GGT5: variants seen among roughly 807,000 people sequenced by gnomAD.
GGT5 encodes gamma-glutamyltransferase 5, also known as glutathione hydrolase 5 proenzyme.
In GGT5, 50 loss-of-function variants were observed where a neutral mutation model predicts 58.1. That is an observed-to-expected ratio of 0.86 (90% CI 0.69 to 1.09). The LOEUF (loss-of-function observed/expected upper bound fraction) is 1.09. GGT5 is among the 50% of genes least tolerant of loss of function. The pLI is 0.00. For missense variants in GGT5, 800 were observed against 789.4 expected, an observed-to-expected ratio of 1.01 and a Z score of -0.16; for synonymous variants, 370 against 346.1, an observed-to-expected ratio of 1.07 and a Z score of -0.77.
At chr22:24,234,119 C>T in intron 1 of GGT5, 115 bp from the exon 2 acceptor site, 1 of 993,998 alleles carries the variant, frequency 1.0e-6, no homozygotes, top group Non-Finnish European at 1.5e-6. Context: ...TCGGCTGCCA[C>T]CAAACCGCAG....
chr22:24,222,766 A>C (rs1169660341), intron 11 of GGT5, among the ~76,000 whole-genome samples: 1 of 152,220 alleles, frequency 6.6e-6, no homozygotes, highest in Admixed American at 6.5e-5. Flanking sequence ...TCACAAAGAC[A>C]AAGGTCCTTC....
At chr22:24,234,195 T>C (rs958280156) in intron 1 of GGT5, among the ~76,000 whole-genome samples, 191 bp from the exon 2 acceptor site, 3 of 152,200 alleles carry the variant, frequency 2.0e-5, no homozygotes, top group Admixed American at 2.0e-4. Context: ...CACAACACAC[T>C]ACGGTTGCAA....
intron 1 of GGT5, 100 bp from the exon 2 acceptor site, chr22:24,234,104 G>T (rs2048031177): frequency 8.3e-7 from 1 of 1,209,952 alleles, no homozygotes; most frequent in Non-Finnish European, 1.2e-6. Flanking sequence ...GACGGAGGCG[G>T]CACGTCGGCT....
At position 24,231,498 on chromosome 22, in the gene GGT5, A is replaced by G. The variant is rs753630065; in HGVS notation, c.787T>C (p.Phe263Leu). The G allele has an allele frequency of 2.5e-6, 4 of 1,587,808 alleles. No homozygotes were observed. The Admixed American group carries it at 5.3e-5, about 21-fold the overall frequency. The change falls in exon 6 of 12, where the codon TTC becomes CTC. Residue 263 changes from phenylalanine (F) to leucine (L), a missense_variant. By Grantham distance (22) the Phe-to-Leu change is conservative (BLOSUM62 0). Transcript: ENST00000327365. ...SQLTLQDLAKFQPEVVDALEV... is the reference protein window; with the variant it reads ...SQLTLQDLAKLQPEVVDALEV... The stretch of plus-strand genomic sequence containing the variant: ...AGGGCATCCACCACCTCGGGCTGGA[A>G]CTTGGCCAGGTCCTGCAGCGTCAGC...
At chr22:24,229,118 A>T (rs144099982) in intron 6 of GGT5, among the ~76,000 whole-genome samples, 189 of 149,794 alleles carry the variant, frequency 1.3e-3, no homozygotes, top group African/African-American at 4.5e-3. Flanking sequence ...GAATGATATA[A>T]TGGGGCCCAG....
chr22:24,231,360 CAGGG>C lies in GGT5; in HGVS notation c.901+20_901+23del. 6.6e-7 allele frequency: 1 copy of C among 1,519,006 alleles called. No individual in the cohort carries two copies. Among genetic ancestry groups the C allele is most frequent in the East Asian group, 2.5e-5 (1 of 40,616 alleles). 94.1% of individuals were successfully genotyped at this position (1,519,006 alleles called of 1,614,324 possible). A position where few individuals can be genotyped will look rare whatever the true frequency, so the allele number is the denominator to read the frequency against. On this transcript the variant is annotated intron_variant, in intron 6 of 11. Coordinates refer to ENST00000327365, the MANE Select transcript of GGT5 (RefSeq NM_004121.5). Reference sequence around the variant, plus strand: ...GGGGTGCGGGGGAGGGGGTGGGCGCCAGGGCTCTGGGCAGGGGCTTTACCTCTTA... The same window carrying C: ...GGGGTGCGGGGGAGGGGGTGGGCGCCCTCTGGGCAGGGGCTTTACCTCTTA...
Position 24,225,061 on chromosome 22 carries a change from T to C in GGT5, c.1549A>G (p.Ile517Val). The part of the protein sequence containing the change: ...LWLGFDLRAA[I>V]AAPILHVNSK... ...TTGACATGCAGGATGGGGGCTGCAA[T>C]GGCCGCTCTCAGGTCAAAGCCAAGC... Residue 517 changes from isoleucine (I) to valine (V), a missense_variant, in exon 11 of 12, where the codon ATT becomes GTT. Ile to Val is a conservative substitution (Grantham distance 29, BLOSUM62 3). Coordinates refer to ENST00000327365, the MANE Select transcript of GGT5 (RefSeq NM_004121.5). 1 of 1,601,338 alleles carries C rather than the reference T, an allele frequency of 6.2e-7. No homozygotes were observed. The highest frequency in any genetic ancestry group is 8.5e-7 in the Non-Finnish European group (1 of 1,174,050).
chr22:24,226,743 A>G lies in GGT5; in HGVS notation c.926T>C (p.Met309Thr). The G allele has an allele frequency of 1.2e-6, 2 of 1,614,056 alleles. No homozygotes were observed. The highest frequency in any genetic ancestry group is 2.2e-5 in the South Asian group (2 of 91,084). Residue 309 changes from methionine (M) to threonine (T), a missense_variant, in exon 7 of 12, where the codon ATG (methionine) becomes ACG (threonine). Transcript: ENST00000327365. ...GTTCACCCTCCCTTCAGGCCTGGCC[A>G]TAGACTCTGTTGAGAAGTTGAACCC... ...LRGFNFSTES[M>T]ARPEGRVNVY...
chr22:24,236,938 C>A (rs938237040), intron 1 of GGT5, among the ~76,000 whole-genome samples: 73 of 151,654 alleles, frequency 4.8e-4, no homozygotes, highest in African/African-American at 1.7e-3. Flanking sequence ...CAGCATTCCC[C>A]TCAAGGTGAC....
chr22:24,230,121 A>G (rs900636888), intron 6 of GGT5, among the ~76,000 whole-genome samples: 2 of 151,754 alleles, frequency 1.3e-5, no homozygotes, highest in African/African-American at 4.8e-5. Context: ...TAATCCCAGC[A>G]CTTTGGGATG....
At position 24,226,148 on chromosome 22, in the gene GGT5, G is replaced by T. The variant is rs1390468059; in HGVS notation, c.1157C>A (p.Thr386Lys). 2 of 1,611,286 alleles carry T rather than the reference G, an allele frequency of 1.2e-6. No homozygotes were observed. The highest frequency in any genetic ancestry group is 2.2e-5 in the East Asian group (1 of 44,874). ...YSLAEAWGHG[T>K]GTSHVSVLGE... The stretch of plus-strand genomic sequence containing the variant: ...CAGCACAGACACATGGGACGTGCCT[G>T]TCCCGTGGCCCCAGGCCTCGGCCAA... Residue 386 changes from threonine (T) to lysine (K), a missense_variant, in exon 8 of 12, where the codon ACA (threonine) becomes AAA (lysine). Coordinates refer to ENST00000327365, the MANE Select transcript of GGT5 (RefSeq NM_004121.5).
chr22:24,226,142 G>C lies in GGT5; in HGVS notation c.1163C>G (p.Thr388Arg), dbSNP rs755653164. 1 of 1,610,978 alleles carries C rather than the reference G, an allele frequency of 6.2e-7. No individual in the cohort carries two copies. Among genetic ancestry groups the C allele is most frequent in the African/African-American group, 1.3e-5 (1 of 74,968 alleles). The stretch of plus-strand genomic sequence containing the variant: ...CTCCCCCAGCACAGACACATGGGAC[G>C]TGCCTGTCCCGTGGCCCCAGGCCTC... ...LAEAWGHGTGTSHVSVLGEDG... is the reference protein window; with the variant it reads ...LAEAWGHGTGRSHVSVLGEDG... The change falls in exon 8 of 12, where the codon ACG becomes AGG. Residue 388 changes from threonine to arginine, a missense_variant. Thr to Arg is a moderately conservative substitution (Grantham distance 71). Transcript: ENST00000327365.
Position 24,225,644 on chromosome 22 carries a change from G to A in GGT5, c.1238C>T (p.Ala413Val), listed in dbSNP as rs769456009. 11 of 1,605,710 alleles carry A rather than the reference G, an allele frequency of 6.9e-6. No individual in the cohort carries two copies. Among genetic ancestry groups the A allele is most frequent in the Middle Eastern group, 1.6e-4 (1 of 6,078 alleles). ...GCCTGTCCGTGGTGAATACACCATC[G>A]CTCCAAAGCTGCAGCCGTGGAGGCA... ...ATSTINTPFG[A>V]MVYSPRTGII... Residue 413 changes from alanine (A) to valine (V), a missense_variant, in exon 9 of 12, where the codon GCG (alanine) becomes GTG (valine). By Grantham distance (64) the Ala-to-Val change is moderately conservative. Transcript: ENST00000327365.
In GGT5 at chr22:24,244,878, G is replaced by C; in HGVS notation, c.-153C>G. 1.5e-6 allele frequency: 2 copies of C among 1,354,340 alleles called. No individual in the cohort carries two copies. Among genetic ancestry groups the C allele is most frequent in the South Asian group, 1.5e-5 (1 of 65,918 alleles). 83.9% of individuals were successfully genotyped at this position (1,354,340 alleles called of 1,614,324 possible). A position where few individuals can be genotyped will look rare whatever the true frequency, so the allele number is the denominator to read the frequency against. Reference sequence around the variant, plus strand: ...CTGAAGACAGACACGAAGATGGATCGACAGATAGGCCAGATAGCTAGACAA... The same window carrying C: ...CTGAAGACAGACACGAAGATGGATCCACAGATAGGCCAGATAGCTAGACAA... On this transcript the variant is annotated 5_prime_UTR_variant, in exon 1 of 12. Transcript: ENST00000327365.
At chr22:24,223,534 C>G (rs2047661073) in intron 11 of GGT5, among the ~76,000 whole-genome samples, 1 of 152,108 alleles carries the variant, frequency 6.6e-6, no homozygotes, top group South Asian at 2.1e-4. Flanking sequence ...AAGGACCCTA[C>G]ATGCGGAGGG....
intron 11 of GGT5, among the ~76,000 whole-genome samples, chr22:24,222,949 T>C (rs9624431): frequency 0.06 from 9,170 of 151,950 alleles, 461 homozygotes; most frequent in African/African-American, 0.14. Context: ...TGGTGGTGGG[T>C]GCCTGTAGTC....
At chr22:24,229,482 T>C (rs111725683) in intron 6 of GGT5, among the ~76,000 whole-genome samples, 62 of 152,034 alleles carry the variant, frequency 4.1e-4, no homozygotes, top group African/African-American at 1.2e-3. Flanking sequence ...GATAAAAGAC[T>C]ACACACTAGG....
Position 24,233,979 on chromosome 22 carries a change from G to T in GGT5, c.199C>A (p.Pro67Thr). ...AGAGCCGCGATGGTGGCATCCACGG[G>T]TGAGCCCTGCTGCTGGAGGATGGCT... ...GRAILQQQGS[P>T]VDATIAALVC... is the part of the protein sequence containing the mutation. Residue 67 changes from proline (P) to threonine (T), a missense_variant, in exon 2 of 12, where the codon CCC (proline) becomes ACC (threonine). Transcript: ENST00000327365. 6.2e-7 allele frequency: 1 copy of T among 1,612,744 alleles called. No individual in the cohort carries two copies. Among genetic ancestry groups the T allele is most frequent in the Non-Finnish European group, 8.5e-7 (1 of 1,179,546 alleles).
At chr22:24,225,768 A>G (rs2047741389) in intron 8 of GGT5, 116 bp from the exon 9 acceptor site, 1 of 718,268 alleles carries the variant, frequency 1.4e-6, no homozygotes, top group Non-Finnish European at 2.5e-6. Context: ...AAGCATGCTG[A>G]AGCCGCTATT....
Sources: gnomAD v4.1 joint callset for allele counts (sites outside exome capture counted in the v4.1 genomes callset) on GRCh38, gnomAD v4.1.1 for gene constraint, MANE v1.5 for transcripts, NCBI Gene and HGNC (gene_info 2026-07-23, HGNC 2026-07-21) for gene names.